THADA: variants seen among roughly 807,000 people sequenced by gnomAD.
THADA encodes THADA armadillo repeat containing, also known as tRNA (32-2'-O)-methyltransferase regulator THADA.
A neutral mutation model predicts 219.8 loss-of-function variants in THADA; 213 were observed. The ratio of observed to expected loss-of-function variants is 0.97; its 90% CI spans 0.87 to 1.09. The LOEUF (loss-of-function observed/expected upper bound fraction) is 1.09, where lower values mean the gene tolerates loss of function less well. THADA is among the 50% of genes least tolerant of loss of function. The pLI is 0.00. For missense variants in THADA, 2,956 were observed against 2,311.3 expected, an observed-to-expected ratio of 1.28 and a Z score of -5.72; for synonymous variants, 1,018 against 828.9, an observed-to-expected ratio of 1.23 and a Z score of -3.92.
chr2:43,536,396 T>C (rs1177227979), intron 21 of THADA, among the ~76,000 whole-genome samples: 1 of 152,194 alleles, frequency 6.6e-6, no homozygotes, highest in Non-Finnish European at 1.5e-5. Flanking sequence ...TCCAGCAAAA[T>C]AATTTTTAAT....
At chr2:43,321,113 G>C (rs935323318) in intron 30 of THADA, among the ~76,000 whole-genome samples, 1 of 152,150 alleles carries the variant, frequency 6.6e-6, no homozygotes, top group Non-Finnish European at 1.5e-5. Context: ...GCAGCTCTTT[G>C]AACAACATAG....
intron 21 of THADA, among the ~76,000 whole-genome samples, chr2:43,535,516 T>TA (rs1318641983): frequency 2.7e-5 from 4 of 150,686 alleles, no homozygotes; most frequent in East Asian, 4.0e-4. Context: ...CCATCTCTAC[T>TA]AAAAAAATAC....
chr2:43,428,965 G>C (rs908529193), intron 27 of THADA, among the ~76,000 whole-genome samples: 1 of 152,066 alleles, frequency 6.6e-6, no homozygotes, highest in African/African-American at 2.4e-5. Flanking sequence ...ATAACCAGAA[G>C]TAAAATTCAT....
intron 31 of THADA, among the ~76,000 whole-genome samples, chr2:43,306,794 G>A (rs1304285421): frequency 6.6e-6 from 1 of 152,176 alleles, no homozygotes; most frequent in Non-Finnish European, 1.5e-5. Flanking sequence ...GTAATCAATG[G>A]AAATGAGCCT....
intron 30 of THADA, 110 bp from the exon 31 acceptor site, chr2:43,320,650 C>T: frequency 3.0e-6 from 2 of 672,168 alleles, no homozygotes; most frequent in Non-Finnish European, 2.5e-6. Context: ...GCTTAAGCAG[C>T]TATGGCAAAT....
Position 43,483,270 on chromosome 2 carries a change from G to A in THADA, c.3836+1964C>T, listed in dbSNP as rs114877700. Among the ~76,000 whole-genome samples, 1,246 of 152,102 alleles carry A rather than the reference G, an allele frequency of 8.2e-3. 13 individuals carry two copies. The highest frequency in any genetic ancestry group is 0.031 in the Middle Eastern group (9 of 294). The stretch of plus-strand genomic sequence containing the variant: ...TTACGTACCCAGAACAGATGAAAAA[G>A]GTCCTTCCTTCAGAAAGTTAATATT... On this transcript the variant is annotated intron_variant, in intron 26 of 37. Transcript: ENST00000405975.
intron 31 of THADA, among the ~76,000 whole-genome samples, chr2:43,310,008 G>A (rs2104433724): frequency 6.6e-6 from 1 of 152,262 alleles, no homozygotes; most frequent in South Asian, 2.1e-4. Context: ...AATGAAAGAT[G>A]TGCATGAAGT....
chr2:43,310,358 A>T (rs2104435516), intron 31 of THADA, among the ~76,000 whole-genome samples: 1 of 152,218 alleles, frequency 6.6e-6, no homozygotes, highest in Non-Finnish European at 1.5e-5. Flanking sequence ...AAGTAATGAT[A>T]ATCAAGACAG....
chr2:43,417,991 T>C (rs183880496), intron 28 of THADA, among the ~76,000 whole-genome samples: 1 of 152,306 alleles, frequency 6.6e-6, no homozygotes, highest in African/African-American at 2.4e-5. Flanking sequence ...ATTATTATCA[T>C]TTATCACTAA....
chr2:43,364,435 C>A (rs1225528083), intron 29 of THADA, among the ~76,000 whole-genome samples: 1 of 150,014 alleles, frequency 6.7e-6, no homozygotes, highest in Non-Finnish European at 1.5e-5. Context: ...AGTTGTCCTG[C>A]ATGCTACAGG....
In THADA at chr2:43,556,422, G is replaced by C; in HGVS notation, c.2597C>G (p.Ser866Cys). 1 of 1,613,878 alleles carries C rather than the reference G, an allele frequency of 6.2e-7. No homozygotes were observed. Among genetic ancestry groups the C allele is most frequent in the Non-Finnish European group, 8.5e-7 (1 of 1,179,842 alleles). Residue 866 changes from serine to cysteine, a missense_variant, in exon 17 of 38, where the codon TCT becomes TGT. By Grantham distance (112) the Ser-to-Cys change is moderately radical (BLOSUM62 -1). Coordinates refer to ENST00000405975, the MANE Select transcript of THADA (RefSeq NM_022065.5). The stretch of plus-strand genomic sequence containing the variant: ...TGCAACTTGCTGAGTTAAGTAGGCA[G>C]ACAAGGATGACGGTAGAGCATCCTG... ...IWQDALPSSLSAYLTQQVACD... is the reference protein window; with the variant it reads ...IWQDALPSSLCAYLTQQVACD...
intron 25 of THADA, among the ~76,000 whole-genome samples, chr2:43,497,658 G>C (rs1203581595): frequency 6.6e-6 from 1 of 152,144 alleles, no homozygotes; most frequent in Non-Finnish European, 1.5e-5. Flanking sequence ...AGGCCAAGGT[G>C]GGCAGATCAC....
Position 43,398,054 on chromosome 2 carries a change from T to C in THADA, c.4144A>G (p.Thr1382Ala). The C allele has an allele frequency of 6.2e-7, 1 of 1,613,988 alleles. No individual in the cohort carries two copies. The highest frequency in any genetic ancestry group is 1.1e-5 in the South Asian group (1 of 91,082). Residue 1382 changes from threonine to alanine, a missense_variant, in exon 29 of 38, where the codon ACC becomes GCC. Transcript: ENST00000405975. Reference sequence around the variant, plus strand: ...AGTGTGGACAACAGAGTTCGAATGGTATTAGGAATGTGATCTATCATAACA... The same window carrying C: ...AGTGTGGACAACAGAGTTCGAATGGCATTAGGAATGTGATCTATCATAACA... ...PFVMIDHIPN[T>A]IRTLLSTLPS...
chr2:43,239,092 T>G (rs1292264282), intron 36 of THADA, among the ~76,000 whole-genome samples: 1 of 152,234 alleles, frequency 6.6e-6, no homozygotes, highest in Non-Finnish European at 1.5e-5. Flanking sequence ...TGTGGTCATT[T>G]GGAATCATGT....
At chr2:43,320,350 G>C in intron 31 of THADA, 96 bp downstream of exon 31, 1 of 795,456 alleles carries the variant, frequency 1.3e-6, no homozygotes, top group East Asian at 2.5e-5. Flanking sequence ...TACAAAAGTA[G>C]AAGGTGGAGC....
At chr2:43,290,501 T>A (rs55853791) in intron 34 of THADA, among the ~76,000 whole-genome samples, 1,793 of 152,204 alleles carry the variant, frequency 0.012, 29 homozygotes, top group African/African-American at 0.041. Flanking sequence ...AACTTCATGA[T>A]CTCCTCTATG....
At chr2:43,572,632 A>G (rs1404105640) in intron 12 of THADA, among the ~76,000 whole-genome samples, 182 bp downstream of exon 12, 1 of 152,200 alleles carries the variant, frequency 6.6e-6, no homozygotes, top group Non-Finnish European at 1.5e-5. Context: ...ATCCTCAACT[A>G]AACTTTCAGT....
chr2:43,283,106 C>G (rs1480606301), intron 35 of THADA, among the ~76,000 whole-genome samples: 1 of 152,130 alleles, frequency 6.6e-6, no homozygotes, highest in Non-Finnish European at 1.5e-5. Flanking sequence ...GGCACTTCTC[C>G]CTGCTCTCTG....
At chr2:43,544,885 T>G in intron 20 of THADA, among the ~76,000 whole-genome samples, 1 of 150,020 alleles carries the variant, frequency 6.7e-6, no homozygotes, top group East Asian at 2.0e-4. Flanking sequence ...CCTGCCTAAT[T>G]GCCCTGGCCA....
Sources: allele counts gnomAD v4.1 joint callset (sites outside exome capture counted in the v4.1 genomes callset), GRCh38; gene constraint gnomAD v4.1.1; transcripts MANE v1.5; gene names NCBI Gene and HGNC (gene_info 2026-07-23, HGNC 2026-07-21).